The following MIDEAS variants were observed in gnomAD, a reference collection of about 807,000 sequenced individuals.
MIDEAS encodes the protein mitotic deacetylase-associated SANT domain protein.
MIDEAS carries 26 observed loss-of-function variants against 102.7 expected under a neutral mutation model. The ratio of observed to expected loss-of-function variants is 0.25; its 90% CI spans 0.19 to 0.35. The LOEUF (loss-of-function observed/expected upper bound fraction) is 0.35. Ranked by LOEUF, MIDEAS falls within the 10% of genes least tolerant of loss-of-function variation. The pLI is 1.00. For missense variants in MIDEAS, 1,231 were observed against 1,435.6 expected (o/e 0.86, Z 2.30); for synonymous variants, 585 against 591.0 (o/e 0.99, Z 0.15).
At chr14:73,722,349 C>T (rs895808492) in intron 10 of MIDEAS, 30 of 168,710 alleles carry the variant, frequency 1.8e-4, no homozygotes, top group Admixed American at 4.7e-4. Flanking sequence ...ATTCTAATGG[C>T]GACACATGGT....
At chr14:73,746,453 T>C (rs916631709) in intron 1 of MIDEAS, among the ~76,000 whole-genome samples, 6 of 152,092 alleles carry the variant, frequency 3.9e-5, no homozygotes, top group Non-Finnish European at 8.8e-5. Context: ...AGGAGTAGGG[T>C]AGAAGCAGGC....
In MIDEAS at chr14:73,717,710, A is replaced by T. The variant is rs1290705501; in HGVS notation, c.*1133T>A. The T allele has an allele frequency of 6.6e-6, 1 of 152,632 alleles. No individual in the cohort carries two copies. The highest frequency in any genetic ancestry group is 1.9e-4 in the East Asian group (1 of 5,196). The allele number at this position is 152,632 out of a possible 1,614,324, so 9.5% of individuals were successfully genotyped here. A position where few individuals can be genotyped will look rare whatever the true frequency, so the allele number is the denominator to read the frequency against. On this transcript the variant is annotated 3_prime_UTR_variant, in exon 13 of 13. Coordinates refer to ENST00000423556, the MANE Select transcript of MIDEAS (RefSeq NM_001367710.1). ...CAGGAGGCCCCTGGTCCCTGAGAGG[A>T]TGTTAAAAATTAAATACTAAGAATA...
chr14:73,783,340 A>G (rs953169845), intron 1 of MIDEAS, among the ~76,000 whole-genome samples: 2 of 152,170 alleles, frequency 1.3e-5, no homozygotes, highest in Non-Finnish European at 2.9e-5. Flanking sequence ...CAAGCGGATG[A>G]GAGGAAAGAG....
Position 73,727,464 on chromosome 14 carries a change from A to G in MIDEAS, c.2156T>C (p.Ile719Thr). ...GGGGCAGGGCTGCACTTACGGCTCG[A>G]TGCTCACTGGGGTGGCCTCCCCCAT... ...SVMGEATPVS[I>T]EPRINVGSRF... Residue 719 changes from isoleucine to threonine, a missense_variant, in exon 5 of 13, where the codon ATC (isoleucine) becomes ACC (threonine). Ile to Thr is a moderately conservative substitution (Grantham distance 89). Around this residue, in one of 5 missense-constraint regions of MIDEAS, gnomAD observed 391 missense variants for 483.0 expected, o/e 0.81. Transcript: ENST00000423556. 6.2e-7 allele frequency: 1 copy of G among 1,613,780 alleles called. No homozygotes were observed. Among genetic ancestry groups the G allele is most frequent in the Non-Finnish European group, 8.5e-7 (1 of 1,179,962 alleles).
chr14:73,779,805 C>A (rs1326179443), intron 1 of MIDEAS, among the ~76,000 whole-genome samples: 1 of 147,004 alleles, frequency 6.8e-6, no homozygotes, highest in Non-Finnish European at 1.5e-5. Flanking sequence ...TCTCGATCTC[C>A]TGACCTCATG....
rs1016147738 is a variant in MIDEAS, at chr14:73,717,094, C to T, written c.*1749G>A. On this transcript the variant is annotated 3_prime_UTR_variant, in exon 13 of 13. Transcript: ENST00000423556. The stretch of plus-strand genomic sequence containing the variant: ...GGTCCTGTAGAACCATACTAATGTA[C>T]AAATGGATGCTGAAAAATACCTGCA... The T allele has an allele frequency of 6.6e-6, 1 of 152,240 alleles. No homozygotes were observed. Among genetic ancestry groups the T allele is most frequent in the African/African-American group, 2.4e-5 (1 of 41,428 alleles). 9.4% of individuals were successfully genotyped at this position (152,240 alleles called of 1,614,324 possible). A position where few individuals can be genotyped will look rare whatever the true frequency, so the allele number is the denominator to read the frequency against.
upstream of MIDEAS, among the ~76,000 whole-genome samples, chr14:73,762,744 G>A (rs562147416): frequency 2.0e-5 from 3 of 152,308 alleles, no homozygotes; most frequent in African/African-American, 7.2e-5. Context: ...ACCTTTCAGG[G>A]AAATGGGGAG....
At chr14:73,741,187 G>T in intron 1 of MIDEAS, among the ~76,000 whole-genome samples, 1 of 150,640 alleles carries the variant, frequency 6.6e-6, no homozygotes, top group East Asian at 1.9e-4. Context: ...CTCAGTTCCA[G>T]AAGGTTTCTC....
chr14:73,774,143 T>C (rs1193773949), intron 1 of MIDEAS, among the ~76,000 whole-genome samples: 2 of 151,798 alleles, frequency 1.3e-5, no homozygotes, highest in East Asian at 3.9e-4. Context: ...AGGAAGCCTC[T>C]GAGTGACAAC....
chr14:73,726,969 C>T lies in MIDEAS; in HGVS notation c.2166G>A (p.Arg722=). 1 of 1,609,890 alleles carries T rather than the reference C, an allele frequency of 6.2e-7. No homozygotes were observed. The highest frequency in any genetic ancestry group is 8.5e-7 in the Non-Finnish European group (1 of 1,177,318). The change falls in exon 6 of 13, where the codon CGG becomes CGA. Residue 722 remains arginine, a synonymous_variant. Transcript: ENST00000423556. The part of the protein sequence containing the change: ...GEATPVSIEP[R]INVGSRFQAE... ...CCTGGAACCGGGAGCCCACGTTGAT[C>T]CGTCTAGAGGAGTGAAAAGGGCAGG...
At chr14:73,767,085 C>G (rs1001789573) in intron 1 of MIDEAS, among the ~76,000 whole-genome samples, 2 of 150,896 alleles carry the variant, frequency 1.3e-5, no homozygotes, top group African/African-American at 2.4e-5. Context: ...AAACTCCTGA[C>G]CTCAAGTGAT....
At chr14:73,749,341 C>G (rs2053392788) in intron 1 of MIDEAS, among the ~76,000 whole-genome samples, 1 of 135,042 alleles carries the variant, frequency 7.4e-6, no homozygotes, top group Non-Finnish European at 1.5e-5. Flanking sequence ...CAAGACCAGC[C>G]TGGGCAACAA....
upstream of MIDEAS, among the ~76,000 whole-genome samples, chr14:73,789,365 G>A (rs972864590): frequency 3.9e-5 from 6 of 152,098 alleles, no homozygotes; most frequent in South Asian, 2.1e-4. Context: ...GCCAACCACC[G>A]TTTGAGGGAG....
chr14:73,753,201 G>A (rs1019565142), intron 1 of MIDEAS, among the ~76,000 whole-genome samples: 2 of 152,216 alleles, frequency 1.3e-5, no homozygotes, highest in Non-Finnish European at 2.9e-5. Flanking sequence ...TCAAGGCTGG[G>A]CTCCTGGCTG....
chr14:73,750,234 A>C (rs2053404347), intron 1 of MIDEAS, among the ~76,000 whole-genome samples: 1 of 152,148 alleles, frequency 6.6e-6, no homozygotes, highest in Non-Finnish European at 1.5e-5. Flanking sequence ...ACAGAGCCAG[A>C]AGCAAGATTC....
chr14:73,718,764 G>T lies in MIDEAS; in HGVS notation c.*79C>A. On this transcript the variant is annotated 3_prime_UTR_variant, in exon 13 of 13. Transcript: ENST00000423556. ...CAATCCTCTCCTCACTCCCTCTTGA[G>T]ATGCCAGGGTGTCTGCGGGCGCTGG... The T allele has an allele frequency of 7.7e-7, 1 of 1,306,428 alleles. No homozygotes were observed. The highest frequency in any genetic ancestry group is 9.8e-7 in the Non-Finnish European group (1 of 1,021,210). 80.9% of individuals were successfully genotyped at this position (1,306,428 alleles called of 1,614,324 possible).
intron 12 of MIDEAS, 78 bp downstream of exon 12, chr14:73,719,227 C>CGGCCCG: frequency 3.4e-6 from 5 of 1,468,962 alleles, no homozygotes; most frequent in Non-Finnish European, 4.5e-6. Flanking sequence ...CCTCTTCCCC[C>CGGCCCG]TCCCCTCCAC....
In MIDEAS at chr14:73,725,168, G is replaced by C. The variant is rs147564369; in HGVS notation, c.2574+104C>G. The C allele has an allele frequency of 2.4e-3, 1,976 of 837,608 alleles. 4 individuals carry two copies. The highest frequency in any genetic ancestry group is 3.3e-3 in the Non-Finnish European group (1,568 of 480,216). The allele number at this position is 837,608 out of a possible 1,614,324, so 51.9% of individuals were successfully genotyped here. On this transcript the variant is annotated intron_variant, in intron 9 of 12. Coordinates refer to ENST00000423556, the MANE Select transcript of MIDEAS (RefSeq NM_001367710.1). This position sits in a 1 kb window ranked among gnomAD's most constrained non-coding sequence, Gnocchi z 4.1. ...CTCTCTGAGGCTACTCAGTAGCATT[G>C]ACCTGACTGCTTTTTAAGAGGGATT...
At chr14:73,763,501 G>C (rs772843068), upstream of MIDEAS, among the ~76,000 whole-genome samples, 28 of 152,164 alleles carry the variant, frequency 1.8e-4, no homozygotes, top group Non-Finnish European at 4.0e-4. Flanking sequence ...TAAAAGAGAA[G>C]TGTCTTTCTC....
Sources: allele counts gnomAD v4.1 joint callset (sites outside exome capture counted in the v4.1 genomes callset), GRCh38; gene constraint gnomAD v4.1.1; regional missense constraint gnomAD v4.1.1; non-coding constraint Gnocchi (gnomAD v3.1); transcripts MANE v1.5; gene names NCBI Gene and HGNC (gene_info 2026-07-23, HGNC 2026-07-21).